MIOS: variants seen among roughly 807,000 people sequenced by gnomAD.
MIOS encodes GATOR2 complex protein MIOS.
MIOS carries 52 observed loss-of-function variants against 96.9 expected under a neutral mutation model. That is an observed-to-expected ratio of 0.54 (90% CI 0.43 to 0.68). MIOS has a LOEUF of 0.68. Ranked by LOEUF, MIOS falls within the 30% of genes least tolerant of loss-of-function variation. The probability of loss-of-function intolerance (pLI) is 0.00; values close to 1 mark genes in which losing one functional copy is unlikely to be tolerated. For missense variants in MIOS, 1,005 were observed against 1,052.8 expected (o/e 0.95, Z 0.63); for synonymous variants, 397 against 359.5 (o/e 1.10, Z -1.18).
intron 7 of MIOS, among the ~76,000 whole-genome samples, chr7:7,586,048 A>G (rs932298534): frequency 2.0e-5 from 3 of 152,148 alleles, no homozygotes; most frequent in African/African-American, 7.2e-5. Flanking sequence ...ATTTACAGAT[A>G]TAGAAGGAAT....
At chr7:7,601,746 A>G (rs1784385384) in intron 11 of MIOS, among the ~76,000 whole-genome samples, 1 of 152,188 alleles carries the variant, frequency 6.6e-6, no homozygotes, top group Non-Finnish European at 1.5e-5. Context: ...TCCTGATACC[A>G]AAGACTGGCA....
chr7:7,582,965 T>A, intron 5 of MIOS, 153 bp from the exon 6 acceptor site: 1 of 863,528 alleles, frequency 1.2e-6, no homozygotes, highest in Non-Finnish European at 1.7e-6. Context: ...CAAAATATGT[T>A]GTATTTGTGG....
At chr7:7,599,620 A>C (rs1449867893) in intron 11 of MIOS, among the ~76,000 whole-genome samples, 1 of 152,192 alleles carries the variant, frequency 6.6e-6, no homozygotes, top group Non-Finnish European at 1.5e-5. Context: ...AAGTATTATG[A>C]TAAGTACAGG....
chr7:7,589,278 T>C, intron 8 of MIOS, 127 bp from the exon 9 acceptor site: 1 of 749,208 alleles, frequency 1.3e-6, no homozygotes, highest in Non-Finnish European at 2.1e-6. Context: ...TAAATATTTA[T>C]ATTTTAGTAA....
chr7:7,600,380 A>G (rs555532132), intron 11 of MIOS, among the ~76,000 whole-genome samples: 8 of 152,184 alleles, frequency 5.3e-5, no homozygotes, highest in South Asian at 2.1e-4. Flanking sequence ...AGGAAGATCT[A>G]CCAAGCAAAT....
At chr7:7,584,875 A>G (rs1024414682) in intron 6 of MIOS, among the ~76,000 whole-genome samples, 3 of 152,184 alleles carry the variant, frequency 2.0e-5, no homozygotes, top group African/African-American at 7.2e-5. Context: ...CTAAACTGCT[A>G]AGAACAAATG....
rs1165552550 is a variant in MIOS at position 7,583,234 on chromosome 7, A to G, written c.1510A>G (p.Thr504Ala). 1.2e-6 allele frequency: 2 copies of G among 1,614,160 alleles called. No individual in the cohort carries two copies. The highest frequency in any genetic ancestry group is 3.3e-5 in the Admixed American group (2 of 60,018). The change falls in exon 6 of 13, where the codon ACG becomes GCG. Residue 504 changes from threonine to alanine, a missense_variant. Thr to Ala is a moderately conservative substitution (Grantham distance 58). This residue lies in a region of MIOS where 865 missense variants were observed against 887.9 expected (regional missense o/e 0.97). Coordinates refer to ENST00000340080, the MANE Select transcript of MIOS (RefSeq NM_019005.4). ...GCTTTGTGGGTGGATAAAGAAAGGA[A>G]CGGATGTAGACGTGGGGCCATTTTT... ...LQLCGWIKKG[T>A]DVDVGPFLNS...
chr7:7,586,687 G>C (rs931082357), intron 7 of MIOS, among the ~76,000 whole-genome samples: 1 of 152,064 alleles, frequency 6.6e-6, no homozygotes, highest in African/African-American at 2.4e-5. Flanking sequence ...TGTGTATTTT[G>C]CACTTTATGT....
At chr7:7,588,399 TA>T in intron 7 of MIOS, 98 bp from the exon 8 acceptor site, 2 of 579,618 alleles carry the variant, frequency 3.5e-6, no homozygotes, top group Non-Finnish European at 5.5e-6. Context: ...AATTTGGAAA[TA>T]AACATATTCA....
intron 5 of MIOS, among the ~76,000 whole-genome samples, chr7:7,579,235 T>C (rs552260805): frequency 5.5e-4 from 84 of 152,352 alleles, no homozygotes; most frequent in African/African-American, 1.8e-3. Flanking sequence ...TCATATTGCT[T>C]ATTTGATAAT....
Position 7,574,194 on chromosome 7 carries a change from TG to T in MIOS, c.1393+1del. The T allele has an allele frequency of 6.3e-7, 1 of 1,595,874 alleles. No homozygotes were observed. The highest frequency in any genetic ancestry group is 8.5e-7 in the Non-Finnish European group (1 of 1,169,800). ...ATTAAATCAATTGTAAAGTCATCGT[TG>T]GGTAAGAAAATTCTATTTCATTTTC... is the stretch of plus-strand genomic sequence containing the variant. ...AGIKSIVKSS[L>X]GMVESSRHNW... On this transcript the variant is annotated frameshift_variant and splice_region_variant, in exon 5 of 13. Coordinates refer to ENST00000340080, the MANE Select transcript of MIOS (RefSeq NM_019005.4).
At position 7,573,076 on chromosome 7, in the gene MIOS, C is replaced by G; in HGVS notation, c.601C>G (p.Leu201Val). Residue 201 changes from leucine to valine, a missense_variant, in exon 4 of 13, where the codon CTT becomes GTT. Physicochemically the swap from Leu to Val is conservative, Grantham distance 32. This residue lies in a region of MIOS where 865 missense variants were observed against 887.9 expected (regional missense o/e 0.97). Transcript: ENST00000340080. This position sits in a 1 kb window ranked among gnomAD's most constrained non-coding sequence, Gnocchi z 5.0. Reference protein sequence around the residue: ...CWLPRDQKLLLAGMHRNLAIF... With the variant: ...CWLPRDQKLLVAGMHRNLAIF... ...GCTTCCACGAGACCAGAAACTTCTC[C>G]TTGCTGGTATGCATCGTAACCTAGC... is the stretch of plus-strand genomic sequence containing the variant. 6.2e-7 allele frequency: 1 copy of G among 1,614,030 alleles called. No individual in the cohort carries two copies. Among genetic ancestry groups the G allele is most frequent in the South Asian group, 1.1e-5 (1 of 91,066 alleles).
Position 7,573,438 on chromosome 7 carries a change from T to C in MIOS, c.963T>C (p.Cys321=), listed in dbSNP as rs757468446. ...TAATTGAAAGAAGTGTGCAACCTTG[T>C]GACAATTACATTGCTTCCTTTGCGT... The part of the protein sequence containing the change: ...PTIIERSVQP[C]DNYIASFAWH... Residue 321 remains cysteine, a synonymous_variant, in exon 4 of 13, where the codon TGT becomes TGC. Coordinates refer to ENST00000340080, the MANE Select transcript of MIOS (RefSeq NM_019005.4). This position sits in a 1 kb window ranked among gnomAD's most constrained non-coding sequence, Gnocchi z 5.0. 26 of 1,614,154 alleles carry C rather than the reference T, an allele frequency of 1.6e-5. No individual in the cohort carries two copies. The highest frequency in any genetic ancestry group is 2.2e-5 in the Non-Finnish European group (26 of 1,179,962).
rs1242760893 is a variant in MIOS, at chr7:7,583,902, TATTTTTTAAAAAGAAAGAGATAAG to T, written c.1648+531_1648+554del. 2.0e-5 allele frequency among the ~76,000 whole-genome samples: 3 copies of T among 152,122 alleles called. No homozygotes were observed. The East Asian group carries it at 5.8e-4, about 29-fold the overall frequency. ...TGATTAAAATACAGTTTTCATTTAG[TATTTTTTAAAAAGAAAGAGATAAG>T]GTTTTTTTACTCTGGCATTTTGCCA... On this transcript the variant is annotated intron_variant, in intron 6 of 12. Coordinates refer to ENST00000340080, the MANE Select transcript of MIOS (RefSeq NM_019005.4).
At chr7:7,582,728 T>C (rs1783770073) in intron 5 of MIOS, 1 of 512,866 alleles carries the variant, frequency 1.9e-6, no homozygotes, top group Non-Finnish European at 2.5e-6. Context: ...TTGGAGCTTA[T>C]GCGCTACTGG....
chr7:7,577,614 G>C (rs1783579196), intron 5 of MIOS, among the ~76,000 whole-genome samples: 1 of 152,170 alleles, frequency 6.6e-6, no homozygotes, highest in Non-Finnish European at 1.5e-5. Context: ...TCCTAGAAAT[G>C]GGAGGGAATG....
chr7:7,584,126 C>T (rs954758094), intron 6 of MIOS, among the ~76,000 whole-genome samples: 1 of 151,968 alleles, frequency 6.6e-6, no homozygotes, highest in African/African-American at 2.4e-5. Context: ...CATTTTGAAA[C>T]CATTATAGTT....
rs558546194 is a variant in MIOS at position 7,595,593 on chromosome 7, T to C, written c.2196+461T>C. On this transcript the variant is annotated intron_variant, in intron 10 of 12. Transcript: ENST00000340080. ...GTCACATAAGGTATACCACATTAAATCACTGTGTCTTAGTTCAGATATTAA... is the reference window on the plus strand; with the variant it reads ...GTCACATAAGGTATACCACATTAAACCACTGTGTCTTAGTTCAGATATTAA... Among the ~76,000 whole-genome samples, 10 of 152,312 alleles carry C rather than the reference T, an allele frequency of 6.6e-5. No homozygotes were observed. The South Asian group carries it at 2.1e-3, about 32-fold the overall frequency.
rs2115351589 is a variant in MIOS, at chr7:7,573,314, C to G, written c.839C>G (p.Thr280Ser). Residue 280 changes from threonine (T) to serine (S), a missense_variant, in exon 4 of 13, where the codon ACT becomes AGT. Around this residue, in one of 3 missense-constraint regions of MIOS, gnomAD observed 865 missense variants for 887.9 expected, o/e 0.97. Transcript: ENST00000340080. The surrounding 1 kb of genome is among the most constrained non-coding windows in gnomAD (Gnocchi z 5.0). The part of the protein sequence containing the change: ...LTKVAWCPTR[T>S]GLLATLTRDS... ...AAAGTAGCATGGTGTCCCACTAGGACTGGTCTACTTGCCACTTTAACAAGG... is the reference window on the plus strand; with the variant it reads ...AAAGTAGCATGGTGTCCCACTAGGAGTGGTCTACTTGCCACTTTAACAAGG... 1 of 1,614,032 alleles carries G rather than the reference C, an allele frequency of 6.2e-7. No homozygotes were observed.
Sources: gnomAD v4.1 joint callset for allele counts (sites outside exome capture counted in the v4.1 genomes callset) on GRCh38, gnomAD v4.1.1 for gene constraint, gnomAD v4.1.1 regional missense constraint, Gnocchi (gnomAD v3.1) non-coding constraint, MANE v1.5 for transcripts, NCBI Gene and HGNC (gene_info 2026-07-23, HGNC 2026-07-21) for gene names.